Variants in SRGAP2 observed in about 807,000 individuals in gnomAD.
SRGAP2 encodes SLIT-ROBO Rho GTPase-activating protein 2.
Under a neutral mutation model 57.2 loss-of-function variants are expected in SRGAP2, and 15 were observed. The observed-to-expected ratio is 0.26, with a 90% confidence interval of 0.18 to 0.40. SRGAP2 has a LOEUF of 0.40. Among genes scored for constraint, SRGAP2 ranks in the 10% least tolerant of loss-of-function variants. The probability of loss-of-function intolerance (pLI) is 1.00; values close to 1 mark genes in which losing one functional copy is unlikely to be tolerated. For missense variants in SRGAP2, 520 were observed against 669.6 expected, an observed-to-expected ratio of 0.78 and a Z score of 2.47; for synonymous variants, 249 against 248.0, an observed-to-expected ratio of 1.00 and a Z score of -0.04.
At chr1:206,359,846 G>A (rs1229423234) in intron 4 of SRGAP2, among the ~76,000 whole-genome samples, 3 of 108,960 alleles carry the variant, frequency 2.8e-5, no homozygotes, top group African/African-American at 3.9e-5. Context: ...TCGCTCTGTC[G>A]CCCAGGCTGG....
chr1:206,224,383 A>G (rs1191852729), intron 2 of SRGAP2, among the ~76,000 whole-genome samples: 2 of 146,930 alleles, frequency 1.4e-5, no homozygotes, highest in Admixed American at 1.3e-4. Context: ...CATAGAAACC[A>G]TGGAGGAAAA....
intron 2 of SRGAP2, among the ~76,000 whole-genome samples, chr1:206,301,336 T>C (rs1340165240): frequency 2.0e-5 from 3 of 151,994 alleles, no homozygotes; most frequent in Non-Finnish European, 4.4e-5. Context: ...CGCCTGGCAC[T>C]TGGTTCTTAC....
At chr1:206,272,748 T>C in intron 2 of SRGAP2, among the ~76,000 whole-genome samples, 1 of 152,186 alleles carries the variant, frequency 6.6e-6, no homozygotes, top group Non-Finnish European at 1.5e-5. Context: ...CATTAATGCA[T>C]AGGAAATCCC....
At chr1:206,301,917 G>C (rs1671897288) in intron 2 of SRGAP2, among the ~76,000 whole-genome samples, 1 of 149,214 alleles carries the variant, frequency 6.7e-6, no homozygotes, top group Non-Finnish European at 1.5e-5. Context: ...ATTGCTTCAA[G>C]AACATTTCAG....
At chr1:206,427,124 C>T (rs926311037) in intron 13 of SRGAP2, among the ~76,000 whole-genome samples, 12 of 151,792 alleles carry the variant, frequency 7.9e-5, no homozygotes, top group South Asian at 2.1e-4. Context: ...GTCTTTAATC[C>T]ATTTTGATTT....
chr1:206,226,645 C>A (rs1667289363), intron 2 of SRGAP2, among the ~76,000 whole-genome samples: 1 of 152,002 alleles, frequency 6.6e-6, no homozygotes, highest in Admixed American at 6.6e-5. Flanking sequence ...AAATTACATA[C>A]CCCAAACAAA....
intron 2 of SRGAP2, among the ~76,000 whole-genome samples, chr1:206,220,480 A>T (rs1405266527): frequency 1.3e-5 from 2 of 152,088 alleles, no homozygotes; most frequent in Admixed American, 1.3e-4. Flanking sequence ...GATCTCTGAG[A>T]GATCTTGACA....
intron 13 of SRGAP2, among the ~76,000 whole-genome samples, chr1:206,427,365 A>G (rs1167228983): frequency 6.6e-6 from 1 of 152,136 alleles, no homozygotes; most frequent in African/African-American, 2.4e-5. Flanking sequence ...TGATGCCGAC[A>G]AGAGGACAGA....
intron 3 of SRGAP2, among the ~76,000 whole-genome samples, chr1:206,332,561 A>T (rs1375617416): frequency 2.7e-5 from 4 of 146,858 alleles, no homozygotes; most frequent in Admixed American, 6.7e-5. Flanking sequence ...CATTCATTTC[A>T]TCTTCCATTG....
chr1:206,378,342 T>C (rs1655398474), intron 4 of SRGAP2, among the ~76,000 whole-genome samples: 2 of 152,110 alleles, frequency 1.3e-5, no homozygotes, highest in African/African-American at 4.8e-5. Context: ...TTAACCAGCA[T>C]GTTGGTACAC....
chr1:206,442,670 G>T (rs1048997661), intron 17 of SRGAP2, among the ~76,000 whole-genome samples: 16 of 152,088 alleles, frequency 1.1e-4, no homozygotes, highest in Non-Finnish European at 1.9e-4. Flanking sequence ...ATTGAAACGA[G>T]ATTGATTTGC....
At position 206,453,392 on chromosome 1, in the gene SRGAP2, C is replaced by T. The variant is rs536354447; in HGVS notation, c.2360+12C>T. On this transcript the variant is annotated intron_variant, in intron 20 of 22. Transcript: ENST00000573034. ...GTGGTCCAAGACACGTACGTTGGGCCCATGGCATCTTTGGGGGTGGTCCCC... is the reference window on the plus strand; with the variant it reads ...GTGGTCCAAGACACGTACGTTGGGCTCATGGCATCTTTGGGGGTGGTCCCC... 4.8e-6 allele frequency: 3 copies of T among 627,000 alleles called. No homozygotes were observed. The highest frequency in any genetic ancestry group is 3.8e-5 in the African/African-American group (2 of 53,214). 38.8% of individuals were successfully genotyped at this position (627,000 alleles called of 1,614,324 possible).
intron 4 of SRGAP2, among the ~76,000 whole-genome samples, chr1:206,355,788 G>C (rs1676384769): frequency 1.3e-5 from 2 of 152,086 alleles, no homozygotes; most frequent in African/African-American, 4.8e-5. Flanking sequence ...CCAACATGCT[G>C]AAACCCTGTC....
chr1:206,420,887 A>G (rs1553364068), intron 12 of SRGAP2, among the ~76,000 whole-genome samples: 2 of 152,250 alleles, frequency 1.3e-5, no homozygotes, highest in African/African-American at 4.8e-5. Flanking sequence ...AGTGTCTCCT[A>G]GCAGGCAAAA....
chr1:206,354,171 A>G (rs572428681), intron 4 of SRGAP2, among the ~76,000 whole-genome samples: 2 of 152,192 alleles, frequency 1.3e-5, no homozygotes. Flanking sequence ...ACTTTTTTTT[A>G]CATGCCTACT....
chr1:206,249,068 C>T (rs1193784271), intron 2 of SRGAP2, among the ~76,000 whole-genome samples: 26 of 151,450 alleles, frequency 1.7e-4, no homozygotes, highest in African/African-American at 5.9e-4. Flanking sequence ...CCTGCTCTTT[C>T]TCCTCTTAAT....
intron 2 of SRGAP2, among the ~76,000 whole-genome samples, chr1:206,240,040 C>T (rs1443214726): frequency 1.3e-5 from 2 of 151,578 alleles, no homozygotes; most frequent in Non-Finnish European, 2.9e-5. Context: ...CCAAGGCGGG[C>T]GGATCACGAG....
Position 206,251,744 on chromosome 1 carries a change from G to A in SRGAP2, c.67+45707G>A, listed in dbSNP as rs1399397920. 2.5e-5 allele frequency among the ~76,000 whole-genome samples: 2 copies of A among 80,838 alleles called. 1 individual carries two copies. Among genetic ancestry groups the A allele is most frequent in the Admixed American group, 2.5e-4 (2 of 8,124 alleles). The allele number at this position is 80,838 out of a possible 152,430, so 53.0% of individuals were successfully genotyped here. On this transcript the variant is annotated intron_variant, in intron 2 of 22. Coordinates refer to ENST00000573034, the MANE Select transcript of SRGAP2 (RefSeq NM_015326.5). Reference sequence around the variant, plus strand: ...TTTTGAGACAGAGTCTTGCTCTGTCGCCCAATCTGGGGTGCAGTGGTGCGA... The same window carrying A: ...TTTTGAGACAGAGTCTTGCTCTGTCACCCAATCTGGGGTGCAGTGGTGCGA...
At chr1:206,220,817 C>T (rs1177088371) in intron 2 of SRGAP2, among the ~76,000 whole-genome samples, 6 of 152,200 alleles carry the variant, frequency 3.9e-5, no homozygotes, top group African/African-American at 1.2e-4. Context: ...CTTATAGCTA[C>T]TGGAGTGTTC....
Sources: allele counts gnomAD v4.1 joint callset (sites outside exome capture counted in the v4.1 genomes callset), GRCh38; gene constraint gnomAD v4.1.1; transcripts MANE v1.5; gene names NCBI Gene and HGNC (gene_info 2026-07-23, HGNC 2026-07-21).